Variants in NEMF observed in about 807,000 individuals in gnomAD.
The protein encoded by NEMF is nuclear export mediator factor, also known as ribosome quality control complex subunit NEMF.
In NEMF, 89 loss-of-function variants were observed where a neutral mutation model predicts 162.2. That is an observed-to-expected ratio of 0.55 (90% CI 0.46 to 0.65). The LOEUF is 0.65. NEMF is among the 30% of genes least tolerant of loss of function. NEMF has a pLI of 0.00. For synonymous variants in NEMF, 421 were observed against 404.5 expected, an observed-to-expected ratio of 1.04 and a Z score of -0.49; for missense variants, 1,133 against 1,261.9, an observed-to-expected ratio of 0.90 and a Z score of 1.55.
At chr14:49,822,009 C>T (rs1042295995) in intron 16 of NEMF, among the ~76,000 whole-genome samples, 2 of 151,978 alleles carry the variant, frequency 1.3e-5, no homozygotes, top group South Asian at 2.1e-4. Context: ...TATGACCTTA[C>T]CCCCAACCCT....
chr14:49,793,713 A>G (rs1012029789), intron 26 of NEMF, among the ~76,000 whole-genome samples: 1 of 152,196 alleles, frequency 6.6e-6, no homozygotes, highest in Non-Finnish European at 1.5e-5. Context: ...ATAAACTTCA[A>G]CGTCCTCGTT....
intron 6 of NEMF, among the ~76,000 whole-genome samples, chr14:49,837,840 A>G (rs1299227673): frequency 6.6e-6 from 1 of 151,994 alleles, no homozygotes; most frequent in Non-Finnish European, 1.5e-5. Context: ...AAAACCAAAA[A>G]AAAACTAAGC....
intron 32 of NEMF, 33 bp from the exon 33 acceptor site, chr14:49,784,746 T>C: frequency 6.5e-7 from 1 of 1,543,046 alleles, no homozygotes. Context: ...TATCTTCACA[T>C]CCTGTATGGT....
intron 5 of NEMF, among the ~76,000 whole-genome samples, chr14:49,839,244 A>AT (rs201049701): frequency 1.8e-4 from 27 of 146,284 alleles, no homozygotes; most frequent in Admixed American, 3.4e-4. Flanking sequence ...TGCCCGGCTA[A>AT]TTTTTTTTTT....
intron 5 of NEMF, among the ~76,000 whole-genome samples, chr14:49,839,024 T>C (rs1893058627): frequency 1.3e-5 from 2 of 152,058 alleles, no homozygotes; most frequent in African/African-American, 2.4e-5. Context: ...GGGGTGGCAA[T>C]CTATGTTTTA....
At chr14:49,809,391 T>C (rs1891362586) in intron 18 of NEMF, among the ~76,000 whole-genome samples, 1 of 152,082 alleles carries the variant, frequency 6.6e-6, no homozygotes, top group Non-Finnish European at 1.5e-5. Context: ...AAAAGCATAC[T>C]ACTAAGTGAA....
At chr14:49,792,618 G>A (rs373073321) in intron 26 of NEMF, among the ~76,000 whole-genome samples, 12 of 152,088 alleles carry the variant, frequency 7.9e-5, no homozygotes, top group Admixed American at 2.0e-4. Flanking sequence ...AGGCAGAGAC[G>A]GTATGAGAAA....
intron 6 of NEMF, 53 bp downstream of exon 6, chr14:49,838,086 T>C (rs775729147): frequency 7.2e-7 from 1 of 1,398,246 alleles, no homozygotes. Flanking sequence ...AATATATTCC[T>C]GAAAACCACA....
At chr14:49,843,673 C>G (rs923271979) in intron 4 of NEMF, among the ~76,000 whole-genome samples, 1 of 152,192 alleles carries the variant, frequency 6.6e-6, no homozygotes, top group Non-Finnish European at 1.5e-5. Flanking sequence ...ATGATATAAC[C>G]TATTGCTCCT....
chr14:49,833,412 C>A lies in NEMF; in HGVS notation c.735+11G>T. The A allele has an allele frequency of 6.5e-7, 1 of 1,534,246 alleles. No individual in the cohort carries two copies. The highest frequency in any genetic ancestry group is 1.2e-5 in the South Asian group (1 of 83,898). ...ATCACAACAATATATAGTAAGTATA[C>A]ATGGTGCTACCTTCCCACTGAAGTT... On this transcript the variant is annotated intron_variant, in intron 8 of 32. Coordinates refer to ENST00000298310, the MANE Select transcript of NEMF (RefSeq NM_004713.6).
intron 26 of NEMF, among the ~76,000 whole-genome samples, chr14:49,793,086 A>G (rs529166643): frequency 6.6e-6 from 1 of 152,370 alleles, no homozygotes; most frequent in East Asian, 1.9e-4. Context: ...TCAACAACCC[A>G]AAGGAAACAT....
At chr14:49,844,675 A>C in intron 4 of NEMF, 1 of 168,876 alleles carries the variant, frequency 5.9e-6, no homozygotes, top group Non-Finnish European at 1.3e-5. Flanking sequence ...TGCTTACCTC[A>C]GACCAGATTA....
chr14:49,830,884 T>C (rs1162123391), intron 11 of NEMF, among the ~76,000 whole-genome samples: 1 of 152,204 alleles, frequency 6.6e-6, no homozygotes, highest in Non-Finnish European at 1.5e-5. Flanking sequence ...ATATTAAGAC[T>C]TGGCTTTAAA....
At chr14:49,846,498 C>T (rs1245344458) in intron 3 of NEMF, among the ~76,000 whole-genome samples, 1 of 152,244 alleles carries the variant, frequency 6.6e-6, no homozygotes, top group African/African-American at 2.4e-5. Flanking sequence ...CAGGGTCTCA[C>T]TCTGTCACCC....
At chr14:49,785,508 A>C (rs1321892564) in intron 29 of NEMF, 188 bp from the exon 30 acceptor site, 2 of 541,662 alleles carry the variant, frequency 3.7e-6, no homozygotes, top group South Asian at 2.1e-5. Context: ...GTTTAAATAT[A>C]TTCTTTACTA....
chr14:49,813,375 GTGC>G (rs1320044921), intron 18 of NEMF, among the ~76,000 whole-genome samples: 2 of 152,136 alleles, frequency 1.3e-5, no homozygotes, highest in African/African-American at 4.8e-5. Context: ...AACCTGTATG[GTGC>G]TGCTATTAAG....
intron 25 of NEMF, among the ~76,000 whole-genome samples, chr14:49,798,667 C>T (rs1361540077): frequency 2.6e-5 from 4 of 152,006 alleles, no homozygotes; most frequent in Admixed American, 6.6e-5. Context: ...CCAGCACTTT[C>T]GGAGGCCAAA....
At position 49,852,602 on chromosome 14, in the gene NEMF, G is replaced by A. The variant is rs944030838; in HGVS notation, c.59+93C>T. ...GGTCCATAGACGCACTAGGAAATAA[G>A]GAAACATATCAAGCTGGTCTGTTTG... On this transcript the variant is annotated intron_variant, in intron 1 of 32. Coordinates refer to ENST00000298310, the MANE Select transcript of NEMF (RefSeq NM_004713.6). 1.7e-5 allele frequency: 24 copies of A among 1,383,040 alleles called. No homozygotes were observed. The Admixed American group carries it at 3.6e-4, about 21-fold the overall frequency. 85.7% of individuals were successfully genotyped at this position (1,383,040 alleles called of 1,614,324 possible).
rs1297840208 is a variant in NEMF, at chr14:49,836,389, C to T, written c.574+1750G>A. On this transcript the variant is annotated intron_variant, in intron 6 of 32. Transcript: ENST00000298310. Reference sequence around the variant, plus strand: ...AATGCTGGCCGAGCGCAGTTGCTCACGCCTGTAATCCCAGCACTTTGGGAG... The same window carrying T: ...AATGCTGGCCGAGCGCAGTTGCTCATGCCTGTAATCCCAGCACTTTGGGAG... Among the ~76,000 whole-genome samples, 7 of 152,208 alleles carry T rather than the reference C, an allele frequency of 4.6e-5. No individual in the cohort carries two copies. In the South Asian group the frequency reaches 8.3e-4, roughly 18 times the overall value.
Sources: gnomAD v4.1 joint callset for allele counts (sites outside exome capture counted in the v4.1 genomes callset) on GRCh38, gnomAD v4.1.1 for gene constraint, MANE v1.5 for transcripts, NCBI Gene and HGNC (gene_info 2026-07-23, HGNC 2026-07-21) for gene names.